Variants in HLTF observed in about 807,000 individuals in gnomAD.
HLTF encodes the protein DNA-dependent ATPase/E3 ubiquitin-protein ligase HLTF.
Under a neutral mutation model 129.4 loss-of-function variants are expected in HLTF, and 127 were observed. The ratio of observed to expected loss-of-function variants is 0.98; its 90% CI spans 0.85 to 1.14. HLTF has a LOEUF of 1.14. Among genes scored for constraint, HLTF ranks in the 50% most tolerant of loss-of-function variants. The probability of loss-of-function intolerance (pLI) is 0.00; values close to 1 mark genes in which losing one functional copy is unlikely to be tolerated. For synonymous variants in HLTF, 332 were observed against 388.8 expected, an observed-to-expected ratio of 0.85 and a Z score of 1.72; for missense variants, 1,139 against 1,187.1, an observed-to-expected ratio of 0.96 and a Z score of 0.60.
rs561987931 is a variant in HLTF at position 149,058,017 on chromosome 3, T to C, written c.1375+1701A>G. Among the ~76,000 whole-genome samples, 20 of 152,348 alleles carry C rather than the reference T, an allele frequency of 1.3e-4. No homozygotes were observed. In the South Asian group the frequency reaches 4.1e-3, roughly 32 times the overall value. ...CCATCAACAATGCACGAATTCCTAT[T>C]GCTGCACAACTTTGTCAATACTTGG... is the stretch of plus-strand genomic sequence containing the variant. On this transcript the variant is annotated intron_variant, in intron 13 of 24. Coordinates refer to ENST00000310053, the MANE Select transcript of HLTF (RefSeq NM_003071.4).
rs185383403 is a variant in HLTF, at chr3:149,051,216, A to T, written c.1474-841T>A. The stretch of plus-strand genomic sequence containing the variant: ...TTGAATGACTACCTAGAATTGTGTG[A>T]TAAAAATATAAGGAAGTTTAAAAAA... On this transcript the variant is annotated intron_variant, in intron 14 of 24. Coordinates refer to ENST00000310053, the MANE Select transcript of HLTF (RefSeq NM_003071.4). 3.2e-4 allele frequency among the ~76,000 whole-genome samples: 49 copies of T among 151,658 alleles called. 1 individual carries two copies. The highest frequency in any genetic ancestry group is 1.0e-3 in the African/African-American group (42 of 41,322).
intron 1 of HLTF, among the ~76,000 whole-genome samples, chr3:149,085,516 T>G (rs1383669489): frequency 1.3e-5 from 2 of 152,156 alleles, no homozygotes; most frequent in African/African-American, 4.8e-5. Flanking sequence ...AATGAAATCA[T>G]ATGCCAAAAT....
rs1576587501 is a variant in HLTF at position 149,048,952 on chromosome 3, A to G, written c.1667T>C (p.Leu556Pro). 1.2e-6 allele frequency: 2 copies of G among 1,610,368 alleles called. No individual in the cohort carries two copies. Among genetic ancestry groups the G allele is most frequent in the Non-Finnish European group, 1.7e-6 (2 of 1,176,654 alleles). ...LHSIRWLRVI[L>P]DEGHAIRNPN... is the part of the protein sequence containing the mutation. The stretch of plus-strand genomic sequence containing the variant: ...ATTTCGTATGGCATGTCCTTCATCC[A>G]GGATCACTCTTAGCCACCTTATGCT... The change falls in exon 16 of 25, where the codon CTG (leucine) becomes CCG (proline). Residue 556 changes from leucine (L) to proline (P), a missense_variant. Physicochemically the swap from Leu to Pro is moderately conservative, Grantham distance 98 (BLOSUM62 -3). Coordinates refer to ENST00000310053, the MANE Select transcript of HLTF (RefSeq NM_003071.4).
In HLTF at chr3:149,086,506, T is replaced by C. The variant is rs571038431; in HGVS notation, c.-170A>G. On this transcript the variant is annotated 5_prime_UTR_variant, in exon 1 of 25. Coordinates refer to ENST00000310053, the MANE Select transcript of HLTF (RefSeq NM_003071.4). ...AAGTCGCCGCGAGTCCAGTCAGACGTCGACGCCGTCTCCTTCTGCAACAAT... is the reference window on the plus strand; with the variant it reads ...AAGTCGCCGCGAGTCCAGTCAGACGCCGACGCCGTCTCCTTCTGCAACAAT... 1 of 664,248 alleles carries C rather than the reference T, an allele frequency of 1.5e-6. No homozygotes were observed. The highest frequency in any genetic ancestry group is 2.6e-6 in the Non-Finnish European group (1 of 384,432). 41.1% of individuals were successfully genotyped at this position (664,248 alleles called of 1,614,324 possible). A position where few individuals can be genotyped will look rare whatever the true frequency, so the allele number is the denominator to read the frequency against.
Position 149,050,278 on chromosome 3 carries a change from T to C in HLTF, c.1571A>G (p.Gln524Arg), listed in dbSNP as rs1236905732. Residue 524 changes from glutamine to arginine, a missense_variant, in exon 15 of 25, where the codon CAG becomes CGG. Coordinates refer to ENST00000310053, the MANE Select transcript of HLTF (RefSeq NM_003071.4). ...ATTATACGTAGTCAAAACAATATCC[T>C]GTTTTGAAAGTAAGGCCGGTTCTCT... is the stretch of plus-strand genomic sequence containing the variant. The part of the protein sequence containing the change: ...RIREPALLSK[Q>R]DIVLTTYNIL... 1.3e-6 allele frequency: 2 copies of C among 1,599,922 alleles called. No individual in the cohort carries two copies. Among genetic ancestry groups the C allele is most frequent in the South Asian group, 2.2e-5 (2 of 90,434 alleles).
chr3:149,083,351 A>C (rs774356402), intron 2 of HLTF, among the ~76,000 whole-genome samples: 13 of 152,204 alleles, frequency 8.5e-5, no homozygotes, highest in Non-Finnish European at 1.5e-4. Context: ...TAAAGTATAT[A>C]TATTTGGCAA....
intron 17 of HLTF, 76 bp downstream of exon 17, chr3:149,047,952 T>C (rs1179673227): frequency 8.1e-7 from 1 of 1,231,260 alleles, no homozygotes; most frequent in Admixed American, 2.6e-5. Flanking sequence ...GTTAAAATAG[T>C]AAAGAAAGTG....
intron 8 of HLTF, among the ~76,000 whole-genome samples, chr3:149,066,986 T>C (rs571853426): frequency 6.6e-6 from 1 of 152,094 alleles, no homozygotes; most frequent in African/African-American, 2.4e-5. Context: ...CTAGGAAGAA[T>C]GGTAATTCAG....
In HLTF at chr3:149,078,737, G is replaced by A. The variant is rs1023713803; in HGVS notation, c.229-2690C>T. Among the ~76,000 whole-genome samples, 3 of 151,780 alleles carry A rather than the reference G, an allele frequency of 2.0e-5. No individual in the cohort carries two copies. The East Asian group carries it at 5.8e-4, about 29-fold the overall frequency. On this transcript the variant is annotated intron_variant, in intron 2 of 24. Coordinates refer to ENST00000310053, the MANE Select transcript of HLTF (RefSeq NM_003071.4). ...CCGGGCGAGGTGGCGGGTGCCTGTAGTCCCAGTTACTCGGGAAGCTGACAC... is the reference window on the plus strand; with the variant it reads ...CCGGGCGAGGTGGCGGGTGCCTGTAATCCCAGTTACTCGGGAAGCTGACAC...
chr3:149,065,561 G>A (rs572523645), intron 8 of HLTF, among the ~76,000 whole-genome samples: 14 of 152,256 alleles, frequency 9.2e-5, no homozygotes, highest in Middle Eastern at 3.4e-3. Context: ...AAAATCTGCC[G>A]GGCGCAGTGG....
At position 149,064,875 on chromosome 3, in the gene HLTF, A is replaced by ATT; in HGVS notation, c.991-10_991-9insAA. Reference sequence around the variant, plus strand: ...TCGTTAACATTATATTCCTGGGTAAATAGGCATATTTCTTAAACAGTACTG... The same window carrying ATT: ...TCGTTAACATTATATTCCTGGGTAAATTTAGGCATATTTCTTAAACAGTACTG... On this transcript the variant is annotated splice_polypyrimidine_tract_variant and intron_variant, in intron 8 of 24. Coordinates refer to ENST00000310053, the MANE Select transcript of HLTF (RefSeq NM_003071.4). 1 of 1,518,212 alleles carries ATT rather than the reference A, an allele frequency of 6.6e-7. No homozygotes were observed. The highest frequency in any genetic ancestry group is 9.1e-7 in the Non-Finnish European group (1 of 1,094,590). The allele number at this position is 1,518,212 out of a possible 1,614,324, so 94.0% of individuals were successfully genotyped here.
chr3:149,030,066 CAATT>C (rs1468485978), downstream of HLTF: 1 of 152,092 alleles, frequency 6.6e-6, no homozygotes, highest in Non-Finnish European at 1.5e-5. Flanking sequence ...AGAAATGTCA[CAATT>C]AATGAAGGAT....
chr3:149,030,113 C>T (rs1042678377), downstream of HLTF: 127 of 151,896 alleles, frequency 8.4e-4, no homozygotes, highest in African/African-American at 3.0e-3. Flanking sequence ...ATTATGGCAC[C>T]GAGGAAGGTA....
At chr3:149,073,929 T>C (rs369777437) in intron 4 of HLTF, among the ~76,000 whole-genome samples, 135 of 152,290 alleles carry the variant, frequency 8.9e-4, no homozygotes, top group African/African-American at 3.1e-3. Context: ...ATGTTACCAT[T>C]AGGGAAAATT....
intron 17 of HLTF, among the ~76,000 whole-genome samples, chr3:149,046,932 C>T (rs1716592527): frequency 6.6e-6 from 1 of 152,186 alleles, no homozygotes; most frequent in African/African-American, 2.4e-5. Context: ...GTGGATAGTA[C>T]TGCCAACTAG....
chr3:149,037,506 C>A (rs1715755674), intron 23 of HLTF, among the ~76,000 whole-genome samples: 1 of 151,450 alleles, frequency 6.6e-6, no homozygotes. Context: ...TACAACAGAC[C>A]ATACCATATC....
At chr3:149,041,909 C>G (rs1716163225) in intron 19 of HLTF, 1 of 575,808 alleles carries the variant, frequency 1.7e-6, no homozygotes, top group Admixed American at 3.1e-5. Flanking sequence ...CATACCACCA[C>G]ACAATAAAAG....
chr3:149,043,029 A>G (rs547085942), intron 18 of HLTF, among the ~76,000 whole-genome samples: 19 of 152,188 alleles, frequency 1.2e-4, no homozygotes, highest in African/African-American at 4.6e-4. Context: ...ATGTTGCCAC[A>G]GAGCAAATAA....
chr3:149,054,614 A>G (rs1483780578), intron 14 of HLTF, among the ~76,000 whole-genome samples: 2 of 152,188 alleles, frequency 1.3e-5, no homozygotes, highest in Non-Finnish European at 2.9e-5. Context: ...GGAAGAAAAC[A>G]TATCCAGGCT....
Sources: allele counts gnomAD v4.1 joint callset (sites outside exome capture counted in the v4.1 genomes callset), GRCh38; gene constraint gnomAD v4.1.1; transcripts MANE v1.5; gene names NCBI Gene and HGNC (gene_info 2026-07-23, HGNC 2026-07-21).